Variants in EXOC6B observed in about 807,000 individuals in gnomAD.
EXOC6B encodes the protein SEC15 homolog B.
A neutral mutation model predicts 113.5 loss-of-function variants in EXOC6B; 54 were observed. The ratio of observed to expected loss-of-function variants is 0.48; its 90% CI spans 0.38 to 0.60. The LOEUF (loss-of-function observed/expected upper bound fraction) is 0.60. Among genes scored for constraint, EXOC6B ranks in the 20% least tolerant of loss-of-function variants. The pLI, the probability that EXOC6B is intolerant of heterozygous loss-of-function variation, is 0.00. For missense variants in EXOC6B, 797 were observed against 977.5 expected, an observed-to-expected ratio of 0.82 and a Z score of 2.46; for synonymous variants, 357 against 339.0, an observed-to-expected ratio of 1.05 and a Z score of -0.58.
chr2:72,772,792 C>A (rs1022248519), intron 1 of EXOC6B, among the ~76,000 whole-genome samples: 4 of 152,202 alleles, frequency 2.6e-5, no homozygotes, highest in African/African-American at 7.2e-5. Flanking sequence ...GCTTTCCCTG[C>A]CAAAGCCAGC....
Position 72,460,900 on chromosome 2 carries a change from C to T in EXOC6B, c.1980+4260G>A, listed in dbSNP as rs1349123303. Among the ~76,000 whole-genome samples the T allele has an allele frequency of 4.0e-5, 6 of 151,504 alleles. No individual in the cohort carries two copies. The East Asian group carries it at 1.2e-3, about 30-fold the overall frequency. On this transcript the variant is annotated intron_variant, in intron 18 of 21. Transcript: ENST00000272427. ...TATAAATCATGCTGCTATAAAGACA[C>T]ATGCACACGTATGTTTATTGCGGCA...
chr2:72,323,489 G>A (rs939432539), intron 20 of EXOC6B, among the ~76,000 whole-genome samples: 5 of 152,102 alleles, frequency 3.3e-5, no homozygotes, highest in Non-Finnish European at 5.9e-5. Flanking sequence ...TACTGGGTAT[G>A]TACCCAAAGG....
At chr2:72,658,989 C>T (rs779284326) in intron 6 of EXOC6B, among the ~76,000 whole-genome samples, 1 of 151,988 alleles carries the variant, frequency 6.6e-6, no homozygotes, top group African/African-American at 2.4e-5. Flanking sequence ...TTTCCTCTTC[C>T]GCTTAGTCGT....
intron 1 of EXOC6B, among the ~76,000 whole-genome samples, chr2:72,813,110 G>A (rs935139560): frequency 2.0e-5 from 3 of 152,086 alleles, no homozygotes; most frequent in Non-Finnish European, 4.4e-5. Flanking sequence ...TTATTTCAGA[G>A]ACAGGATGCC....
intron 6 of EXOC6B, among the ~76,000 whole-genome samples, chr2:72,652,936 A>G (rs1360842116): frequency 6.6e-6 from 1 of 151,672 alleles, no homozygotes; most frequent in Non-Finnish European, 1.5e-5. Flanking sequence ...ACTTGAGCCC[A>G]GGAGTTCAAG....
chr2:72,704,879 A>G (rs927570909), intron 6 of EXOC6B, among the ~76,000 whole-genome samples: 2 of 151,304 alleles, frequency 1.3e-5, no homozygotes, highest in African/African-American at 4.9e-5. Flanking sequence ...ATGGATTCAC[A>G]GCCGAATTCT....
chr2:72,622,126 T>C (rs752463304), intron 6 of EXOC6B, among the ~76,000 whole-genome samples: 6 of 151,536 alleles, frequency 4.0e-5, no homozygotes, highest in Non-Finnish European at 7.4e-5. Context: ...TGACTACCTG[T>C]AATATTATAG....
In EXOC6B at chr2:72,444,107, T is replaced by C. The variant is rs747849497; in HGVS notation, c.1980+21053A>G. Among the ~76,000 whole-genome samples, 62 of 152,120 alleles carry C rather than the reference T, an allele frequency of 4.1e-4. 1 individual carries two copies. Among genetic ancestry groups the C allele is most frequent in the Non-Finnish European group, 1.3e-4 (9 of 68,018 alleles). ...CCTAGATACAATGGGGGTATAGGCA[T>C]TGGGTAAATACAGCCATTCCAAGTG... On this transcript the variant is annotated intron_variant, in intron 18 of 21. Coordinates refer to ENST00000272427, the MANE Select transcript of EXOC6B (RefSeq NM_015189.3).
At chr2:72,630,409 G>T (rs1182274610) in intron 6 of EXOC6B, among the ~76,000 whole-genome samples, 1 of 152,140 alleles carries the variant, frequency 6.6e-6, no homozygotes, top group Non-Finnish European at 1.5e-5. Context: ...TACTGCCCAT[G>T]GAAATAAACA....
At chr2:72,300,397 C>T (rs549174538) in intron 20 of EXOC6B, among the ~76,000 whole-genome samples, 5 of 152,308 alleles carry the variant, frequency 3.3e-5, no homozygotes, top group East Asian at 3.9e-4. Flanking sequence ...CATCCCAGGT[C>T]GACCTCAGAC....
At chr2:72,239,226 C>A (rs1401152028) in intron 20 of EXOC6B, among the ~76,000 whole-genome samples, 1 of 152,106 alleles carries the variant, frequency 6.6e-6, no homozygotes, top group Admixed American at 6.5e-5. Context: ...GCTACTTTTT[C>A]TTTTTTCGAG....
At chr2:72,585,989 G>A (rs1451413938) in intron 6 of EXOC6B, among the ~76,000 whole-genome samples, 1 of 152,100 alleles carries the variant, frequency 6.6e-6, no homozygotes, top group African/African-American at 2.4e-5. Context: ...ACAAAAATAA[G>A]CAATGGGAAA....
At chr2:72,766,117 G>A (rs1362603045) in intron 1 of EXOC6B, among the ~76,000 whole-genome samples, 1 of 152,162 alleles carries the variant, frequency 6.6e-6, no homozygotes, top group Non-Finnish European at 1.5e-5. Flanking sequence ...AAGAATTAAG[G>A]ATCTACCAAG....
At chr2:72,557,261 A>G in intron 8 of EXOC6B, among the ~76,000 whole-genome samples, 1 of 141,170 alleles carries the variant, frequency 7.1e-6, no homozygotes, top group South Asian at 2.4e-4. Flanking sequence ...GAATGAATGG[A>G]AAAAAATATA....
intron 18 of EXOC6B, among the ~76,000 whole-genome samples, chr2:72,413,655 C>T (rs868670208): frequency 6.7e-6 from 1 of 150,316 alleles, no homozygotes; most frequent in Non-Finnish European, 1.5e-5. Context: ...TGCACTCCAG[C>T]CTGGTGACAG....
At chr2:72,280,124 C>A (rs575009269) in intron 20 of EXOC6B, among the ~76,000 whole-genome samples, 2 of 152,202 alleles carry the variant, frequency 1.3e-5, no homozygotes, top group African/African-American at 4.8e-5. Context: ...GTCATTACAA[C>A]TTCTGGTCTT....
At chr2:72,274,709 T>C (rs1684708229) in intron 20 of EXOC6B, among the ~76,000 whole-genome samples, 1 of 152,140 alleles carries the variant, frequency 6.6e-6, no homozygotes, top group Non-Finnish European at 1.5e-5. Flanking sequence ...TCCAATCTCA[T>C]GAATAGTGTA....
In EXOC6B at chr2:72,182,109, G is replaced by T. The variant is rs528999575; in HGVS notation, c.2309+1966C>A. Among the ~76,000 whole-genome samples, 47 of 152,294 alleles carry T rather than the reference G, an allele frequency of 3.1e-4. No homozygotes were observed. The South Asian group carries it at 8.3e-3, about 27-fold the overall frequency. On this transcript the variant is annotated intron_variant, in intron 21 of 21. Transcript: ENST00000272427. Reference sequence around the variant, plus strand: ...CAATTCCTATGAGGCTGGGAGATACGGATTGTAGTGATCTGGATGCCCTTT... The same window carrying T: ...CAATTCCTATGAGGCTGGGAGATACTGATTGTAGTGATCTGGATGCCCTTT...
Position 72,176,371 on chromosome 2 carries a change from C to G in EXOC6B, c.*2964G>C, listed in dbSNP as rs1384057956. ...AGGTAGGGGAATTTCTGCAGCAGTT[C>G]CTAGAGAGTGTGCTCAGAGGCCTGA... On this transcript the variant is annotated 3_prime_UTR_variant, in exon 22 of 22. Coordinates refer to ENST00000272427, the MANE Select transcript of EXOC6B (RefSeq NM_015189.3). 1 of 152,078 alleles carries G rather than the reference C, an allele frequency of 6.6e-6. No individual in the cohort carries two copies. Among genetic ancestry groups the G allele is most frequent in the Non-Finnish European group, 1.5e-5 (1 of 68,080 alleles). The allele number at this position is 152,078 out of a possible 1,614,324, so 9.4% of individuals were successfully genotyped here.
Sources: gnomAD v4.1 joint callset for allele counts (sites outside exome capture counted in the v4.1 genomes callset) on GRCh38, gnomAD v4.1.1 for gene constraint, MANE v1.5 for transcripts, NCBI Gene and HGNC (gene_info 2026-07-23, HGNC 2026-07-21) for gene names.